The following TMEM270 variants were observed in gnomAD, a reference collection of about 807,000 sequenced individuals.
TMEM270 encodes the protein transmembrane protein 270, also known as Williams-Beuren syndrome chromosome region 28.
Under a neutral mutation model 29.9 loss-of-function variants are expected in TMEM270, and 30 were observed. That is an observed-to-expected ratio of 1.00 (90% CI 0.75 to 1.36). The LOEUF is 1.36. TMEM270 is among the 40% of genes most tolerant of loss of function. The pLI, the probability that TMEM270 is intolerant of heterozygous loss-of-function variation, is 0.00. For missense variants in TMEM270, 313 were observed against 307.1 expected (o/e 1.02, Z -0.14); for synonymous variants, 135 against 139.8 (o/e 0.97, Z 0.24).
At chr7:73,862,430 A>G (rs1788809171) in intron 1 of TMEM270, among the ~76,000 whole-genome samples, 4 of 151,916 alleles carry the variant, frequency 2.6e-5, no homozygotes, top group South Asian at 2.1e-4. Context: ...AAACATACAC[A>G]TGCTTGTGGT....
intron 1 of TMEM270, 87 bp from the exon 2 acceptor site, chr7:73,864,903 CAAA>C (rs10675041): frequency 1.2e-4 from 118 of 961,776 alleles, no homozygotes; most frequent in South Asian, 3.6e-4. Context: ...AACTCCGTCT[CAAA>C]AAAAAAAAAA....
At chr7:73,861,001 T>A (rs1166856702), upstream of TMEM270, among the ~76,000 whole-genome samples, 5 of 152,138 alleles carry the variant, frequency 3.3e-5, no homozygotes, top group African/African-American at 1.2e-4. Context: ...GAAGCTTTGC[T>A]CTAAGACCTC....
At chr7:73,863,227 G>A (rs910306601) in intron 1 of TMEM270, among the ~76,000 whole-genome samples, 1 of 152,028 alleles carries the variant, frequency 6.6e-6, no homozygotes, top group African/African-American at 2.4e-5. Flanking sequence ...GGGTCCAGGT[G>A]GGTGGATTGG....
chr7:73,864,912 A>AAAAAAG (rs1322385031), intron 1 of TMEM270, 81 bp from the exon 2 acceptor site: 25 of 1,303,462 alleles, frequency 1.9e-5, no homozygotes, highest in Non-Finnish European at 2.4e-5. Flanking sequence ...TCAAAAAAAA[A>AAAAAAG]AAAAAGAAAA....
chr7:73,864,582 G>A lies in TMEM270; in HGVS notation c.73-411G>A, dbSNP rs779255114. On this transcript the variant is annotated intron_variant, in intron 1 of 2. Transcript: ENST00000320531. ...TGAGATGGGGATCTGACTCAAGGTGGTCCAGCAGCTTCACCTCTACAGTAA... is the reference window on the plus strand; with the variant it reads ...TGAGATGGGGATCTGACTCAAGGTGATCCAGCAGCTTCACCTCTACAGTAA... Among the ~76,000 whole-genome samples the A allele has an allele frequency of 6.8e-4, 103 of 152,204 alleles. 1 individual carries two copies. The highest frequency in any genetic ancestry group is 1.1e-3 in the Admixed American group (17 of 15,276).
chr7:73,864,152 T>C (rs13223944), intron 1 of TMEM270, among the ~76,000 whole-genome samples: 78,221 of 140,048 alleles, frequency 0.56, 23,556 homozygotes, highest in Non-Finnish European at 0.68. Flanking sequence ...CTGGACTTAG[T>C]GAGATGCACC....
Position 73,865,251 on chromosome 7 carries a change from C to T in TMEM270, c.331C>T (p.Leu111=), listed in dbSNP as rs782013187. 5.0e-6 allele frequency: 8 copies of T among 1,613,470 alleles called. No homozygotes were observed. The highest frequency in any genetic ancestry group is 2.7e-5 in the African/African-American group (2 of 74,942). ...GMWGSTKGLG[L]ALLSAWEQLG... is the part of the protein sequence containing the mutation. Reference sequence around the variant, plus strand: ...GTGGGGCAGCACCAAGGGCCTGGGCCTGGCCTTGCTCAGTGCCTGGGAGCA... The same window carrying T: ...GTGGGGCAGCACCAAGGGCCTGGGCTTGGCCTTGCTCAGTGCCTGGGAGCA... Residue 111 remains leucine (L), a synonymous_variant, in exon 2 of 3, where the codon CTG becomes TTG. Transcript: ENST00000320531.
intron 2 of TMEM270, 28 bp from the exon 3 acceptor site, chr7:73,865,549 C>T: frequency 6.2e-7 from 1 of 1,606,574 alleles, no homozygotes; most frequent in Non-Finnish European, 8.5e-7. Flanking sequence ...TCCTAAGGGC[C>T]ACCTGCCCAT....
In TMEM270 at chr7:73,865,101, C is replaced by T. The variant is rs1788872240; in HGVS notation, c.181C>T (p.Gln61Ter). ...AQEARGSCNW[Q>*]AHLPLGAAAC... ...GGAGGCCCGGGGGTCCTGTAACTGG[C>T]AGGCCCACCTACCCCTGGGAGCTGC... is the stretch of plus-strand genomic sequence containing the variant. The change falls in exon 2 of 3, where the codon CAG (glutamine) becomes TAG (stop). Residue 61 changes from glutamine to a stop codon, truncating the protein, a stop_gained. Coordinates refer to ENST00000320531, the MANE Select transcript of TMEM270 (RefSeq NM_182504.4). LOFTEE classifies it high-confidence loss of function. The T allele has an allele frequency of 1.3e-6, 2 of 1,572,450 alleles. No individual in the cohort carries two copies. The highest frequency in any genetic ancestry group is 1.9e-5 in the Admixed American group (1 of 53,590).
rs782301312 is a variant in TMEM270 at position 73,865,310 on chromosome 7, GT to G, written c.395del (p.Leu132CysfsTer7). ...GLSVAIWTDL[F>X]LSCLHGLMLV... Reference sequence around the variant, plus strand: ...TGTCTGTGGCCATCTGGACAGATCTGTTTTTGTCATGTCTGCACGGCCTGAT... The same window carrying G: ...TGTCTGTGGCCATCTGGACAGATCTGTTTTGTCATGTCTGCACGGCCTGAT... On this transcript the variant is annotated frameshift_variant, in exon 2 of 3. Transcript: ENST00000320531. LOFTEE classifies it high-confidence loss of function. 13 of 1,613,378 alleles carry G rather than the reference GT, an allele frequency of 8.1e-6. No homozygotes were observed. The highest frequency in any genetic ancestry group is 1.7e-5 in the Admixed American group (1 of 60,006).
Position 73,865,853 on chromosome 7 carries a change from C to A in TMEM270, c.778C>A (p.Gln260Lys), listed in dbSNP as rs373030154. The A allele has an allele frequency of 1.9e-6, 3 of 1,612,034 alleles. No homozygotes were observed. Among genetic ancestry groups the A allele is most frequent in the Non-Finnish European group, 2.5e-6 (3 of 1,179,842 alleles). ...DSESGTVLPE[Q>K]ETPRE ...AGAGTCTGGAACAGTTTTGCCAGAG[C>A]AAGAAACTCCCAGAGAATAAATGTA... The change falls in exon 3 of 3, where the codon CAA (glutamine) becomes AAA (lysine). Residue 260 changes from glutamine (Q) to lysine (K), a missense_variant. Transcript: ENST00000320531.
intron 1 of TMEM270, among the ~76,000 whole-genome samples, chr7:73,863,133 G>A (rs1788822576): frequency 6.6e-6 from 1 of 151,910 alleles, no homozygotes; most frequent in Non-Finnish European, 1.5e-5. Context: ...CACCCTCCAC[G>A]TCCCAAGCTC....
In TMEM270 at chr7:73,865,132, G is replaced by GC. The variant is rs150108862; in HGVS notation, c.217dup (p.Leu73ProfsTer95). On this transcript the variant is annotated frameshift_variant, in exon 2 of 3. Transcript: ENST00000320531. LOFTEE classifies it high-confidence loss of function. ...CACCTACCCCTGGGAGCTGCAGCCT[G>GC]CCCCCTGGGCCAGGCTCTCTGGGCT... 1,380 of 1,604,468 alleles carry GC rather than the reference G, an allele frequency of 8.6e-4. 6 individuals carry two copies. In the African/African-American group the frequency reaches 0.016, roughly 19 times the overall value.
Position 73,865,181 on chromosome 7 carries a change from C to T in TMEM270, c.261C>T (p.Pro87=), listed in dbSNP as rs199970638. Residue 87 remains proline (P), a synonymous_variant, in exon 2 of 3, where the codon CCC becomes CCT. Transcript: ENST00000320531. ...CTGGGCTGGCTCTGATACAGGTCCC[C>T]GTATGGCTGGTGCTACAGGGACCCA... ...LWAGLALIQV[P]VWLVLQGPRL... The T allele has an allele frequency of 7.3e-5, 118 of 1,613,164 alleles. No individual in the cohort carries two copies. The highest frequency in any genetic ancestry group is 9.1e-5 in the Non-Finnish European group (107 of 1,179,466).
Position 73,865,029 on chromosome 7 carries a change from C to T in TMEM270, c.109C>T (p.Leu37Phe), listed in dbSNP as rs782112426. Residue 37 changes from leucine to phenylalanine, a missense_variant, in exon 2 of 3, where the codon CTC becomes TTC. Leu to Phe is a conservative substitution (Grantham distance 22, BLOSUM62 0). Transcript: ENST00000320531. Reference sequence around the variant, plus strand: ...CCGAGATCACCTCTATAATTTCCTGCTCCTCAAGATCAACCTCTTCAACCA... The same window carrying T: ...CCGAGATCACCTCTATAATTTCCTGTTCCTCAAGATCAACCTCTTCAACCA... ...QNRDHLYNFL[L>F]LKINLFNHWV... is the part of the protein sequence containing the mutation. 5 of 1,514,066 alleles carry T rather than the reference C, an allele frequency of 3.3e-6. No individual in the cohort carries two copies. Among genetic ancestry groups the T allele is most frequent in the Non-Finnish European group, 2.7e-6 (3 of 1,130,928 alleles). The allele number at this position is 1,514,066 out of a possible 1,614,324, so 93.8% of individuals were successfully genotyped here.
chr7:73,865,787 G>A lies in TMEM270; in HGVS notation c.712G>A (p.Gly238Arg). The A allele has an allele frequency of 6.2e-7, 1 of 1,614,006 alleles. No individual in the cohort carries two copies. Among genetic ancestry groups the A allele is most frequent in the Non-Finnish European group, 8.5e-7 (1 of 1,180,016 alleles). ...GGAGGTTGAACCCCAGGAGGTCTCAGGGTCTTCCTTGCTGCCCTCACTGTC... is the reference window on the plus strand; with the variant it reads ...GGAGGTTGAACCCCAGGAGGTCTCAAGGTCTTCCTTGCTGCCCTCACTGTC... ...AQEVEPQEVS[G>R]SSLLPSLSAS... Residue 238 changes from glycine (G) to arginine (R), a missense_variant, in exon 3 of 3, where the codon GGG (glycine) becomes AGG (arginine). By Grantham distance (125) the Gly-to-Arg change is moderately radical. Coordinates refer to ENST00000320531, the MANE Select transcript of TMEM270 (RefSeq NM_182504.4).
At chr7:73,862,718 C>A (rs782569444) in intron 1 of TMEM270, among the ~76,000 whole-genome samples, 1 of 151,230 alleles carries the variant, frequency 6.6e-6, no homozygotes, top group Non-Finnish European at 1.5e-5. Context: ...AAATTAGCCA[C>A]GCGTGGTGGT....
rs2130608624 is a variant in TMEM270, at chr7:73,865,617, A to G, written c.542A>G (p.Gln181Arg). The G allele has an allele frequency of 6.2e-7, 1 of 1,614,132 alleles. No individual in the cohort carries two copies. Among genetic ancestry groups the G allele is most frequent in the East Asian group, 2.2e-5 (1 of 44,884 alleles). ...VNCVVRKLLV[Q>R]LRRLYWWVET... ...TGCGTGGTAAGGAAGCTCCTGGTAC[A>G]GCTGAGACGTCTGTATTGGTGGGTG... Residue 181 changes from glutamine to arginine, a missense_variant, in exon 3 of 3, where the codon CAG (glutamine) becomes CGG (arginine). Coordinates refer to ENST00000320531, the MANE Select transcript of TMEM270 (RefSeq NM_182504.4).
chr7:73,861,873 A>C (rs1788794555), intron 1 of TMEM270, among the ~76,000 whole-genome samples: 1 of 151,736 alleles, frequency 6.6e-6, no homozygotes, highest in South Asian at 2.1e-4. Context: ...ATCTCGGCTC[A>C]CTGCAACCTC....
Sources: gnomAD v4.1 joint callset for allele counts (sites outside exome capture counted in the v4.1 genomes callset) on GRCh38, gnomAD v4.1.1 for gene constraint, MANE v1.5 for transcripts, NCBI Gene and HGNC (gene_info 2026-07-23, HGNC 2026-07-21) for gene names.